The following RAP1GAP2 variants were observed in gnomAD, a reference collection of about 807,000 sequenced individuals.
RAP1GAP2 encodes the protein RAP1 GTPase activating protein 2, also known as rap1 GTPase-activating protein 2.
Under a neutral mutation model 95.0 loss-of-function variants are expected in RAP1GAP2, and 27 were observed. The observed-to-expected ratio is 0.28, with a 90% CI of 0.21 to 0.39. The LOEUF is 0.39. RAP1GAP2 is among the 10% of genes least tolerant of loss of function. The pLI is 1.00. For synonymous variants in RAP1GAP2, 373 were observed against 380.9 expected (o/e 0.98, Z 0.24); for missense variants, 771 against 970.0 (o/e 0.79, Z 2.72).
rs933631025 is a variant in RAP1GAP2, at chr17:3,003,889, G to A, written c.1201-1480G>A. On this transcript the variant is annotated intron_variant, in intron 14 of 24. Transcript: ENST00000254695. This position sits in a 1 kb window ranked among gnomAD's most constrained non-coding sequence, Gnocchi z 4.1. ...GTCGCAAGGAAGGGCCCTGTCCTCCGTGTGGCCCACAGGGCTCTGCTGTGG... is the reference window on the plus strand; with the variant it reads ...GTCGCAAGGAAGGGCCCTGTCCTCCATGTGGCCCACAGGGCTCTGCTGTGG... Among the ~76,000 whole-genome samples the A allele has an allele frequency of 6.6e-6, 1 of 152,218 alleles. No individual in the cohort carries two copies. Among genetic ancestry groups the A allele is most frequent in the African/African-American group, 2.4e-5 (1 of 41,460 alleles).
rs2044455858 is a variant in RAP1GAP2, at chr17:2,963,808, C to A, written c.280-48C>A. The A allele has an allele frequency of 6.8e-7, 1 of 1,460,840 alleles. No individual in the cohort carries two copies. Among genetic ancestry groups the A allele is most frequent in the African/African-American group, 1.4e-5 (1 of 71,372 alleles). The allele number at this position is 1,460,840 out of a possible 1,614,324, so 90.5% of individuals were successfully genotyped here. ...AGGGGACACCGCCACCGGCCCCCTC[C>A]CTCCCCTGCGGTCCCAGGGGAGCGC... On this transcript the variant is annotated intron_variant, in intron 6 of 24. Coordinates refer to ENST00000254695, the MANE Select transcript of RAP1GAP2 (RefSeq NM_015085.5). The surrounding 1 kb of genome is among the most constrained non-coding windows in gnomAD (Gnocchi z 4.8).
At chr17:3,024,731 A>G (rs934944922) in intron 19 of RAP1GAP2, among the ~76,000 whole-genome samples, 1 of 152,268 alleles carries the variant, frequency 6.6e-6, no homozygotes, top group Non-Finnish European at 1.5e-5. Flanking sequence ...TTATTGCAGT[A>G]AAAAGGAATA....
intron 2 of RAP1GAP2, among the ~76,000 whole-genome samples, chr17:2,882,367 C>T (rs1166689977): frequency 2.0e-5 from 3 of 151,628 alleles, no homozygotes; most frequent in Non-Finnish European, 2.9e-5. Flanking sequence ...TCTCAACTCA[C>T]TGCAGCCTCC....
upstream of RAP1GAP2, among the ~76,000 whole-genome samples, chr17:2,774,110 A>G (rs1016084476): frequency 3.9e-5 from 6 of 152,110 alleles, no homozygotes; most frequent in Non-Finnish European, 7.4e-5. Context: ...TTTGGTTTCT[A>G]ATCCTGTTTG....
At chr17:2,852,391 A>C (rs2151596200) in intron 2 of RAP1GAP2, among the ~76,000 whole-genome samples, 1 of 152,092 alleles carries the variant, frequency 6.6e-6, no homozygotes, top group African/African-American at 2.4e-5. Context: ...TCATAAATAG[A>C]CCAGGTGCAT....
At chr17:2,815,764 G>C (rs530266059) in intron 2 of RAP1GAP2, among the ~76,000 whole-genome samples, 6 of 152,230 alleles carry the variant, frequency 3.9e-5, no homozygotes, top group Non-Finnish European at 8.8e-5. Context: ...TTACAGGCGC[G>C]AGCCACCGCA....
At chr17:2,806,846 T>C (rs1297743542) in intron 2 of RAP1GAP2, among the ~76,000 whole-genome samples, 1 of 151,758 alleles carries the variant, frequency 6.6e-6, no homozygotes, top group Non-Finnish European at 1.5e-5. Context: ...CATACCCAAC[T>C]ATTTTTTTTG....
intron 3 of RAP1GAP2, among the ~76,000 whole-genome samples, chr17:2,925,376 A>C (rs546020829): frequency 3.9e-5 from 6 of 152,176 alleles, no homozygotes; most frequent in African/African-American, 1.4e-4. Context: ...GGGAGGCCTC[A>C]GGAAACTTAC....
intron 4 of RAP1GAP2, among the ~76,000 whole-genome samples, chr17:2,961,946 A>G (rs1337953087): frequency 7.2e-6 from 1 of 138,202 alleles, no homozygotes; most frequent in African/African-American, 2.8e-5. Flanking sequence ...CTTGTTGCCC[A>G]GGCTGAAGTG....
At chr17:2,908,810 A>T (rs1205834484) in intron 3 of RAP1GAP2, among the ~76,000 whole-genome samples, 2 of 151,942 alleles carry the variant, frequency 1.3e-5, no homozygotes, top group Non-Finnish European at 2.9e-5. Flanking sequence ...GGGCTCAAGG[A>T]TCCTCCCATC....
rs137856617 is a variant in RAP1GAP2 at position 2,871,535 on chromosome 17, G to A, written c.81-33749G>A. Among the ~76,000 whole-genome samples, 11 of 152,290 alleles carry A rather than the reference G, an allele frequency of 7.2e-5. No homozygotes were observed. In the East Asian group the frequency reaches 2.1e-3, roughly 29 times the overall value. On this transcript the variant is annotated intron_variant, in intron 2 of 24. Coordinates refer to ENST00000254695, the MANE Select transcript of RAP1GAP2 (RefSeq NM_015085.5). This position sits in a 1 kb window ranked among gnomAD's most constrained non-coding sequence, Gnocchi z 5.0. ...GGTGGGGAGCTTCATTACAGAGGAG[G>A]GAGAGGCAACAGCGGTAGGGCCAGC...
At chr17:2,766,006 C>T (rs2068269049) in intron 1 of RAP1GAP2, among the ~76,000 whole-genome samples, 1 of 152,128 alleles carries the variant, frequency 6.6e-6, no homozygotes, top group Non-Finnish European at 1.5e-5. Context: ...ACCTGGCCGT[C>T]CTATTATTTT....
intron 3 of RAP1GAP2, among the ~76,000 whole-genome samples, chr17:2,927,917 C>T (rs980772970): frequency 6.6e-5 from 10 of 152,294 alleles, no homozygotes; most frequent in African/African-American, 2.4e-4. Context: ...ATGTCCTTGC[C>T]CTGATCCCAC....
intron 3 of RAP1GAP2, among the ~76,000 whole-genome samples, chr17:2,915,214 T>G (rs1254980907): frequency 1.3e-5 from 2 of 152,074 alleles, no homozygotes; most frequent in Admixed American, 1.3e-4. Flanking sequence ...GAGCCACCAT[T>G]TCTGGCCCAT....
At chr17:2,898,458 C>A (rs1200707082) in intron 2 of RAP1GAP2, among the ~76,000 whole-genome samples, 1 of 152,210 alleles carries the variant, frequency 6.6e-6, no homozygotes, top group Non-Finnish European at 1.5e-5. Context: ...TGCCCTTTCT[C>A]CCTTCCACAC....
At chr17:2,795,984 G>A (rs1323375443), upstream of RAP1GAP2, among the ~76,000 whole-genome samples, 1 of 152,170 alleles carries the variant, frequency 6.6e-6, no homozygotes, top group African/African-American at 2.4e-5. Flanking sequence ...ATCCACGTGT[G>A]CTAGTGGAAT....
At chr17:2,799,878 C>T (rs917145429) in intron 1 of RAP1GAP2, among the ~76,000 whole-genome samples, 7 of 152,162 alleles carry the variant, frequency 4.6e-5, no homozygotes, top group South Asian at 2.1e-4. Flanking sequence ...TGAGGGCGGG[C>T]ACAGGCTGGG....
chr17:2,963,538 G>A lies in RAP1GAP2; in HGVS notation c.279+76G>A, dbSNP rs1402624789. On this transcript the variant is annotated intron_variant, in intron 6 of 24. Transcript: ENST00000254695. This position sits in a 1 kb window ranked among gnomAD's most constrained non-coding sequence, Gnocchi z 4.8. The stretch of plus-strand genomic sequence containing the variant: ...CGTCCCTGGGGAAATGATGGCGATG[G>A]CCTGTGCCCAGCCCCCCAGGGGAGA... 9 of 1,585,122 alleles carry A rather than the reference G, an allele frequency of 5.7e-6. No individual in the cohort carries two copies. Among genetic ancestry groups the A allele is most frequent in the Non-Finnish European group, 7.8e-6 (9 of 1,154,054 alleles).
At position 3,034,437 on chromosome 17, in the gene RAP1GAP2, C is replaced by A; in HGVS notation, c.*1076C>A. On this transcript the variant is annotated 3_prime_UTR_variant, in exon 25 of 25. Transcript: ENST00000254695. The surrounding 1 kb of genome is among the most constrained non-coding windows in gnomAD (Gnocchi z 5.1). ...ATGACTTGCGGGTTCTGATCAGGCC[C>A]CTGGGTGGGGAAGGGGCACAGTGTC... The A allele has an allele frequency of 4.8e-6, 1 of 209,804 alleles. No homozygotes were observed. Among genetic ancestry groups the A allele is most frequent in the Non-Finnish European group, 1.0e-5 (1 of 98,316 alleles). 13.0% of individuals were successfully genotyped at this position (209,804 alleles called of 1,614,324 possible).
Sources: gnomAD v4.1 joint callset for allele counts (sites outside exome capture counted in the v4.1 genomes callset) on GRCh38, gnomAD v4.1.1 for gene constraint, Gnocchi (gnomAD v3.1) non-coding constraint, MANE v1.5 for transcripts, NCBI Gene and HGNC (gene_info 2026-07-23, HGNC 2026-07-21) for gene names.